DAB2IP: variants seen among roughly 807,000 people sequenced by gnomAD.
DAB2IP encodes the protein DAB2 interacting protein.
Under a neutral mutation model 107.2 loss-of-function variants are expected in DAB2IP, and 28 were observed. The observed-to-expected ratio is 0.26, with a 90% CI of 0.19 to 0.36. The LOEUF (loss-of-function observed/expected upper bound fraction) is 0.36. Among genes scored for constraint, DAB2IP ranks in the 10% least tolerant of loss-of-function variants. DAB2IP has a pLI of 1.00. For missense variants in DAB2IP, 1,400 were observed against 1,644.7 expected (o/e 0.85, Z 2.57); for synonymous variants, 755 against 706.4 (o/e 1.07, Z -1.09).
intron 2 of DAB2IP, among the ~76,000 whole-genome samples, chr9:121,679,413 T>C (rs868690911): frequency 7.4e-6 from 1 of 135,556 alleles, no homozygotes; most frequent in South Asian, 2.5e-4. Flanking sequence ...TTTGTGCATG[T>C]ACACACACAC....
chr9:121,695,192 C>T lies in DAB2IP; in HGVS notation c.229-4133C>T, dbSNP rs76161582. Reference sequence around the variant, plus strand: ...AACTACCAAACTGGATGACATTCTGCGGCTCCAGAATCATTTTGCAAGCAT... The same window carrying T: ...AACTACCAAACTGGATGACATTCTGTGGCTCCAGAATCATTTTGCAAGCAT... On this transcript the variant is annotated intron_variant, in intron 2 of 15. Transcript: ENST00000408936. Among the ~76,000 whole-genome samples the T allele has an allele frequency of 2.5e-3, 374 of 152,256 alleles. 3 individuals are homozygous for T. The highest frequency in any genetic ancestry group is 8.0e-3 in the African/African-American group (333 of 41,542).
At chr9:121,577,225 G>C (rs1043772491) in intron 1 of DAB2IP, among the ~76,000 whole-genome samples, 5 of 152,194 alleles carry the variant, frequency 3.3e-5, no homozygotes, top group African/African-American at 1.2e-4. Flanking sequence ...GTGGGATTCT[G>C]GGGAAAAGAA....
chr9:121,668,674 T>C (rs1833547692), intron 1 of DAB2IP, among the ~76,000 whole-genome samples: 1 of 152,224 alleles, frequency 6.6e-6, no homozygotes, highest in South Asian at 2.1e-4. Flanking sequence ...TTAATTTTAC[T>C]ATTAGTTTTG....
Position 121,634,202 on chromosome 9 carries a change from G to A in DAB2IP, c.41-44476G>A, listed in dbSNP as rs1256190812. On this transcript the variant is annotated intron_variant, in intron 1 of 16. Transcript: ENST00000259371. This position sits in a 1 kb window ranked among gnomAD's most constrained non-coding sequence, Gnocchi z 4.7. Reference sequence around the variant, plus strand: ...CCAACTCCTAGGAAGGGTCCCCTATGCACCCCGGGGTAGGAGCTGAATGGC... The same window carrying A: ...CCAACTCCTAGGAAGGGTCCCCTATACACCCCGGGGTAGGAGCTGAATGGC... Among the ~76,000 whole-genome samples the A allele has an allele frequency of 6.6e-6, 1 of 152,142 alleles. No individual in the cohort carries two copies. Among genetic ancestry groups the A allele is most frequent in the East Asian group, 1.9e-4 (1 of 5,196 alleles).
intron 3 of DAB2IP, among the ~76,000 whole-genome samples, chr9:121,744,934 T>A (rs1832618100): frequency 1.3e-5 from 2 of 152,170 alleles, no homozygotes; most frequent in Admixed American, 1.3e-4. Flanking sequence ...TTTAGCATGA[T>A]GAGCCAGATA....
chr9:121,665,367 C>A (rs1833373530), intron 1 of DAB2IP, among the ~76,000 whole-genome samples: 1 of 151,946 alleles, frequency 6.6e-6, no homozygotes, highest in African/African-American at 2.4e-5. Context: ...AAGAAAAGAA[C>A]AAAAGTGCAG....
At chr9:121,750,504 G>A (rs976918348) in intron 3 of DAB2IP, among the ~76,000 whole-genome samples, 7 of 152,158 alleles carry the variant, frequency 4.6e-5, no homozygotes, top group African/African-American at 1.7e-4. Context: ...GACGAGCCTG[G>A]CCCATTCAAG....
intron 10 of DAB2IP, 69 bp from the exon 11 acceptor site, chr9:121,770,477 G>A (rs1834635628): frequency 6.5e-7 from 1 of 1,542,216 alleles, no homozygotes; most frequent in Non-Finnish European, 8.8e-7. Context: ...AGCCATAGTG[G>A]CTGCAGCACA....
chr9:121,707,819 T>C (rs1830136824), intron 3 of DAB2IP, among the ~76,000 whole-genome samples: 2 of 152,226 alleles, frequency 1.3e-5, no homozygotes, highest in South Asian at 4.1e-4. Context: ...ACAATTACTG[T>C]TTCTGGCTTG....
chr9:121,581,177 C>A (rs568986650), intron 1 of DAB2IP, among the ~76,000 whole-genome samples: 22 of 152,312 alleles, frequency 1.4e-4, no homozygotes, highest in Admixed American at 9.8e-4. Context: ...GGCTGCCCAC[C>A]TCTGGGAGCT....
chr9:121,685,910 G>C (rs768952030), intron 2 of DAB2IP, among the ~76,000 whole-genome samples: 9 of 152,208 alleles, frequency 5.9e-5, no homozygotes, highest in Non-Finnish European at 1.0e-4. Context: ...GAAATGTGAG[G>C]AAGTGGCTGG....
At chr9:121,572,601 G>A (rs1232491240) in intron 1 of DAB2IP, among the ~76,000 whole-genome samples, 3 of 152,124 alleles carry the variant, frequency 2.0e-5, no homozygotes, top group Admixed American at 6.6e-5. Flanking sequence ...CAGCTCTCTC[G>A]GTTATTGGGT....
chr9:121,707,583 G>A (rs1162770894), intron 3 of DAB2IP, among the ~76,000 whole-genome samples: 1 of 152,228 alleles, frequency 6.6e-6, no homozygotes, highest in Non-Finnish European at 1.5e-5. Context: ...TTGTAAAAGA[G>A]TGCACTGGGG....
intron 1 of DAB2IP, among the ~76,000 whole-genome samples, chr9:121,608,040 G>A (rs1337134317): frequency 6.6e-6 from 1 of 152,220 alleles, no homozygotes; most frequent in African/African-American, 2.4e-5. Context: ...TTCCCAAAAG[G>A]CTCTGTCAGC....
At chr9:121,693,578 T>TCTCTTTG (rs1264108497) in intron 2 of DAB2IP, among the ~76,000 whole-genome samples, 10 of 152,348 alleles carry the variant, frequency 6.6e-5, no homozygotes, top group African/African-American at 2.4e-4. Context: ...GAAACTGCCA[T>TCTCTTTG]GGGAGGAGCC....
intron 1 of DAB2IP, among the ~76,000 whole-genome samples, chr9:121,605,640 A>G (rs1564696206): frequency 6.6e-6 from 1 of 152,164 alleles, no homozygotes; most frequent in Non-Finnish European, 1.5e-5. Flanking sequence ...ATCTGGGACT[A>G]CAGGCGCTTG....
chr9:121,774,148 C>G, intron 12 of DAB2IP, 112 bp from the exon 13 acceptor site: 1 of 1,252,650 alleles, frequency 8.0e-7, no homozygotes, highest in Non-Finnish European at 1.1e-6. Flanking sequence ...GAGGTCCCCT[C>G]TTCCCACCGT....
chr9:121,724,397 C>T (rs1831108670), intron 3 of DAB2IP, among the ~76,000 whole-genome samples: 1 of 152,140 alleles, frequency 6.6e-6, no homozygotes, highest in East Asian at 1.9e-4. Flanking sequence ...GCTTGCTGCC[C>T]CACTTCATTC....
intron 3 of DAB2IP, among the ~76,000 whole-genome samples, chr9:121,706,638 A>G (rs1360830452): frequency 6.6e-6 from 1 of 152,192 alleles, no homozygotes; most frequent in Middle Eastern, 3.4e-3. Flanking sequence ...CACCTACCTC[A>G]AAGGGCTGGC....
Sources: gnomAD v4.1 joint callset for allele counts (sites outside exome capture counted in the v4.1 genomes callset) on GRCh38, gnomAD v4.1.1 for gene constraint, Gnocchi (gnomAD v3.1) non-coding constraint, MANE v1.5 for transcripts, NCBI Gene and HGNC (gene_info 2026-07-23, HGNC 2026-07-21) for gene names.